The following DMD variants were observed in gnomAD, a reference collection of about 807,000 sequenced individuals.
DMD encodes the protein dystrophin.
Under a neutral mutation model 330.1 loss-of-function variants are expected in DMD, and 63 were observed. The observed-to-expected ratio is 0.19, with a 90% CI of 0.16 to 0.24. The LOEUF is 0.24. DMD is among the 10% of genes least tolerant of loss of function. The pLI, the probability that DMD is intolerant of heterozygous loss-of-function variation, is 1.00. For synonymous variants in DMD, 1,223 were observed against 959.8 expected, an observed-to-expected ratio of 1.27 and a Z score of -5.07; for missense variants, 3,344 against 2,684.1, an observed-to-expected ratio of 1.25 and a Z score of -5.43.
chrX:33,010,188 A>ATATATGTGCATATGTG, intron 2 of DMD, among the ~76,000 whole-genome samples: 1 of 66,305 alleles, frequency 1.5e-5, no homozygotes, highest in East Asian at 6.6e-4. Flanking sequence ...ATATTTGTGT[A>ATATATGTGCATATGTG]TGTATATATG....
chrX:32,729,124 C>T (rs1001008765), intron 7 of DMD, among the ~76,000 whole-genome samples: 2 of 111,963 alleles, frequency 1.8e-5, no homozygotes, highest in African/African-American at 6.5e-5. Flanking sequence ...ATCTGAAATG[C>T]TACAAAATCT....
chrX:32,038,412 T>C (rs149585410), intron 44 of DMD, among the ~76,000 whole-genome samples: 119 of 110,974 alleles, frequency 1.1e-3, no homozygotes, highest in African/African-American at 3.7e-3. Context: ...AGTTGGCGGG[T>C]GGGAAATGGT....
intron 9 of DMD, among the ~76,000 whole-genome samples, chrX:32,654,165 T>G (rs1367706815): frequency 9.0e-6 from 1 of 111,191 alleles, no homozygotes; most frequent in Non-Finnish European, 1.9e-5. Flanking sequence ...CTGATTGCCC[T>G]GGCCGGAACT....
chrX:32,699,225 G>A lies in DMD; in HGVS notation c.718C>T (p.Pro240Ser). ...ATGGCTTCAATGCTCACTTGTTGAG[G>A]CAAAACTTGGAAGAGTGATGTGATG... Reference protein sequence around the residue: ...MYITSLFQVLPQQVSIEAIQE... With the variant: ...MYITSLFQVLSQQVSIEAIQE... Residue 240 changes from proline (P) to serine (S), a missense_variant, in exon 8 of 79, where the codon CCT becomes TCT. Pro to Ser is a moderately conservative substitution (Grantham distance 74). Transcript: ENST00000357033. 8.3e-7 allele frequency: 1 copy of A among 1,209,115 alleles called. No individual in the cohort carries two copies. The highest frequency in any genetic ancestry group is 1.1e-6 in the Non-Finnish European group (1 of 893,431).
At chrX:31,947,214 C>A (rs753934247) in intron 45 of DMD, among the ~76,000 whole-genome samples, 1 of 111,537 alleles carries the variant, frequency 9.0e-6, no homozygotes, top group Non-Finnish European at 1.9e-5. Flanking sequence ...TAACCTCCAA[C>A]TCCTGGGCTC....
At chrX:33,176,746 G>A (rs2049685002) in intron 1 of DMD, among the ~76,000 whole-genome samples, 1 of 110,979 alleles carries the variant, frequency 9.0e-6, no homozygotes, top group African/African-American at 3.3e-5. Context: ...GACCAGCCTT[G>A]CCAACATGGT....
chrX:31,559,630 A>G (rs1274549843), intron 55 of DMD, among the ~76,000 whole-genome samples: 1 of 84,600 alleles, frequency 1.2e-5, no homozygotes, highest in African/African-American at 4.7e-5. Flanking sequence ...GACAGAGCGA[A>G]ACTCCGTCTC....
chrX:32,161,870 TATC>T (rs2096850471), intron 44 of DMD, among the ~76,000 whole-genome samples: 1 of 112,032 alleles, frequency 8.9e-6, no homozygotes. Flanking sequence ...GGGCTGAAGA[TATC>T]ATAAAACTAT....
intron 1 of DMD, among the ~76,000 whole-genome samples, chrX:33,022,350 G>A (rs1454893261): frequency 1.8e-5 from 2 of 110,402 alleles, no homozygotes; most frequent in Non-Finnish European, 3.8e-5. Context: ...AGCATCGAAG[G>A]CAGCACGAAA....
intron 2 of DMD, among the ~76,000 whole-genome samples, chrX:32,928,371 G>C (rs973727854): frequency 6.3e-5 from 7 of 110,363 alleles, no homozygotes; most frequent in Admixed American, 9.8e-5. Context: ...CACTCTGCTT[G>C]CTAGTAAGAA....
chrX:31,476,971 T>C (rs1251255002), intron 59 of DMD, among the ~76,000 whole-genome samples: 1 of 111,460 alleles, frequency 9.0e-6, no homozygotes, highest in East Asian at 2.8e-4. Flanking sequence ...CCTGGAAAAT[T>C]TGTTGGATGA....
intron 54 of DMD, among the ~76,000 whole-genome samples, chrX:31,640,848 T>C (rs1055728649): frequency 1.8e-5 from 2 of 111,932 alleles, no homozygotes; most frequent in African/African-American, 6.5e-5. Flanking sequence ...GCACACACTA[T>C]GGGAAAAATG....
intron 4 of DMD, among the ~76,000 whole-genome samples, chrX:32,834,884 C>T (rs2079475313): frequency 9.0e-6 from 1 of 111,001 alleles, no homozygotes; most frequent in Admixed American, 9.7e-5. Flanking sequence ...GATCGGAATT[C>T]ATAAAATGTA....
chrX:32,658,733 C>T (rs2060752725), intron 9 of DMD, among the ~76,000 whole-genome samples: 1 of 111,109 alleles, frequency 9.0e-6, no homozygotes, highest in Non-Finnish European at 1.9e-5. Context: ...CACTGCCCTC[C>T]CCCTGCCCTA....
chrX:31,298,412 C>CACATAG (rs200824304), intron 62 of DMD, among the ~76,000 whole-genome samples: 1 of 100,990 alleles, frequency 9.9e-6, no homozygotes, highest in Admixed American at 1.0e-4. Context: ...CACACACATA[C>CACATAG]ACACACACAC....
chrX:32,315,791 C>T (rs892610006), intron 41 of DMD, among the ~76,000 whole-genome samples: 5 of 111,452 alleles, frequency 4.5e-5, no homozygotes, highest in Non-Finnish European at 7.5e-5. Context: ...AAACTAAAAA[C>T]CATTTTCACC....
intron 44 of DMD, among the ~76,000 whole-genome samples, chrX:32,069,147 C>A (rs2147773186): frequency 9.0e-6 from 1 of 111,155 alleles, no homozygotes; most frequent in African/African-American, 3.3e-5. Flanking sequence ...TATTTACTTC[C>A]TTTTGGTATG....
intron 44 of DMD, among the ~76,000 whole-genome samples, chrX:32,031,958 G>T (rs2095887815): frequency 1.8e-5 from 2 of 111,812 alleles, no homozygotes; most frequent in Admixed American, 9.5e-5. Flanking sequence ...TTATTTTCTA[G>T]TAGGAAGAAC....
chrX:31,154,284 T>A (rs1017501844), intron 74 of DMD, among the ~76,000 whole-genome samples: 2 of 110,834 alleles, frequency 1.8e-5, no homozygotes, highest in Non-Finnish European at 3.8e-5. Context: ...TTCTAATGTT[T>A]TTTTTTTATT....
Sources: gnomAD v4.1 joint callset for allele counts (sites outside exome capture counted in the v4.1 genomes callset) on GRCh38, gnomAD v4.1.1 for gene constraint, MANE v1.5 for transcripts, NCBI Gene and HGNC (gene_info 2026-07-23, HGNC 2026-07-21) for gene names.